CELF2: variants seen among roughly 807,000 people sequenced by gnomAD.
CELF2 encodes the protein CUG triplet repeat RNA-binding protein 2.
Under a neutral mutation model 62.6 loss-of-function variants are expected in CELF2, and 8 were observed. The ratio of observed to expected loss-of-function variants is 0.13; its 90% CI spans 0.07 to 0.23. CELF2 has a LOEUF of 0.23. Among genes scored for constraint, CELF2 ranks in the 10% least tolerant of loss-of-function variants. The probability of loss-of-function intolerance (pLI) is 1.00; values close to 1 mark genes in which losing one functional copy is unlikely to be tolerated. For synonymous variants in CELF2, 258 were observed against 250.0 expected (o/e 1.03, Z -0.30); for missense variants, 333 against 671.0 (o/e 0.50, Z 5.56).
chr10:11,197,012 G>GAA (rs747220391), intron 2 of CELF2, among the ~76,000 whole-genome samples: 5,687 of 19,456 alleles, frequency 0.29, 1,252 homozygotes, highest in Middle Eastern at 0.47. Flanking sequence ...GAGAAAGAAA[G>GAA]AAAGAAAGAA....
Position 11,165,354 on chromosome 10 carries a change from G to A in CELF2, c.75-132G>A. ...TTGTTTTAGTTCATCAAATTTCTAC[G>A]ACTCATTAGGCACTTTGCCACTGCT... On this transcript the variant is annotated intron_variant, in intron 1 of 12. Transcript: ENST00000633077. This position sits in a 1 kb window ranked among gnomAD's most constrained non-coding sequence, Gnocchi z 7.4. 1 of 1,481,294 alleles carries A rather than the reference G, an allele frequency of 6.8e-7. No homozygotes were observed. Among genetic ancestry groups the A allele is most frequent in the Non-Finnish European group, 8.9e-7 (1 of 1,120,438 alleles). The allele number at this position is 1,481,294 out of a possible 1,614,324, so 91.8% of individuals were successfully genotyped here. A position where few individuals can be genotyped will look rare whatever the true frequency, so the allele number is the denominator to read the frequency against.
intron 9 of CELF2, among the ~76,000 whole-genome samples, chr10:11,304,303 T>C (rs1027974419): frequency 4.6e-5 from 7 of 152,202 alleles, no homozygotes; most frequent in Non-Finnish European, 1.0e-4. Context: ...TTTTTCTCTT[T>C]TGATTCCTTC....
At chr10:11,131,331 C>T (rs1280423860) in intron 1 of CELF2, among the ~76,000 whole-genome samples, 1 of 152,196 alleles carries the variant, frequency 6.6e-6, no homozygotes, top group Non-Finnish European at 1.5e-5. Context: ...ACTGTGGACA[C>T]TGTGTACTCA....
intron 2 of CELF2, among the ~76,000 whole-genome samples, chr10:10,982,620 T>C (rs973613368): frequency 6.6e-6 from 1 of 152,192 alleles, no homozygotes; most frequent in African/African-American, 2.4e-5. Context: ...TTTTAAAGTA[T>C]GCTGAGTGCT....
intron 1 of CELF2, among the ~76,000 whole-genome samples, chr10:10,916,191 A>G (rs2064302917): frequency 6.6e-6 from 1 of 152,198 alleles, no homozygotes. Context: ...AACAGATAAA[A>G]ACAAACAAAT....
chr10:10,748,544 C>T, the CELF2 span, among the ~76,000 whole-genome samples: 13 of 151,720 alleles, frequency 8.6e-5, no homozygotes, highest in South Asian at 2.1e-4. Flanking sequence ...GTCAGGAGAT[C>T]GAGACCATCC....
chr10:10,508,423 G>A, the CELF2 span, among the ~76,000 whole-genome samples: 8 of 152,252 alleles, frequency 5.3e-5, no homozygotes, highest in East Asian at 1.5e-3. Context: ...GCTTCTATTT[G>A]CTTCCTCAAA....
At chr10:10,921,977 G>A (rs951907661) in intron 2 of CELF2, among the ~76,000 whole-genome samples, 1 of 152,210 alleles carries the variant, frequency 6.6e-6, no homozygotes, top group Non-Finnish European at 1.5e-5. Context: ...GAGAAGCAGA[G>A]TGAGCCCAAT....
At chr10:10,857,316 A>G (rs2059773973) in intron 1 of CELF2, among the ~76,000 whole-genome samples, 2 of 152,184 alleles carry the variant, frequency 1.3e-5, no homozygotes, top group Admixed American at 1.3e-4. Context: ...ATTTCCAACC[A>G]GATGCAGTGA....
Position 11,270,746 on chromosome 10 carries a change from T to C in CELF2, c.699T>C (p.Ala233=). The C allele has an allele frequency of 6.4e-7, 1 of 1,563,814 alleles. No homozygotes were observed. The highest frequency in any genetic ancestry group is 8.7e-7 in the Non-Finnish European group (1 of 1,151,270). ...AAAGGCGCCTCCAGCAGCAGCTCGC[T>C]CAGCAGATGCAGCAGCTCAACACTG... ...KEQRRLQQQL[A]QQMQQLNTAT... Residue 233 remains alanine (A), a synonymous_variant, in exon 7 of 13, where the codon GCT becomes GCC. Coordinates refer to ENST00000633077, the MANE Select transcript of CELF2 (RefSeq NM_001326342.2). This position sits in a 1 kb window ranked among gnomAD's most constrained non-coding sequence, Gnocchi z 5.8.
intron 1 of CELF2, among the ~76,000 whole-genome samples, chr10:10,855,389 G>A (rs1466278823): frequency 6.6e-6 from 1 of 152,170 alleles, no homozygotes; most frequent in Non-Finnish European, 1.5e-5. Flanking sequence ...CAACAGTGAG[G>A]CCCAGCCTGC....
intron 3 of CELF2, among the ~76,000 whole-genome samples, chr10:11,229,581 G>T (rs1019349684): frequency 6.6e-6 from 1 of 151,814 alleles, no homozygotes; most frequent in Non-Finnish European, 1.5e-5. Context: ...CACTTGGGAT[G>T]AGAGTCTGGC....
At position 11,098,205 on chromosome 10, in the gene CELF2, G is replaced by C. The variant is rs185413994; in HGVS notation, c.75-67281G>C. 2.0e-5 allele frequency: 3 copies of C among 152,508 alleles called. No homozygotes were observed. The East Asian group carries it at 5.8e-4, about 29-fold the overall frequency. 9.4% of individuals were successfully genotyped at this position (152,508 alleles called of 1,614,324 possible). ...GATTGGATGGACCAAGTGAAGGACA[G>C]TCTTAGGACGGGGACAAAGAGTCTG... On this transcript the variant is annotated intron_variant, in intron 1 of 12. Transcript: ENST00000633077. This position sits in a 1 kb window ranked among gnomAD's most constrained non-coding sequence, Gnocchi z 4.0.
intron 2 of CELF2, among the ~76,000 whole-genome samples, chr10:11,199,455 C>T (rs1199280029): frequency 2.0e-5 from 3 of 152,142 alleles, no homozygotes; most frequent in Non-Finnish European, 4.4e-5. Context: ...CACCTGCGAG[C>T]AGAGAAGGCC....
chr10:11,070,230 C>T (rs940549832), intron 1 of CELF2, among the ~76,000 whole-genome samples: 5 of 152,082 alleles, frequency 3.3e-5, no homozygotes, highest in Non-Finnish European at 5.9e-5. Flanking sequence ...GAGAGAACAA[C>T]ACATGCAAAG....
chr10:10,693,544 T>C, the CELF2 span, among the ~76,000 whole-genome samples: 1 of 151,370 alleles, frequency 6.6e-6, no homozygotes, highest in African/African-American at 2.4e-5. Flanking sequence ...TTAGGGAGGA[T>C]TCCCTCTTTT....
intron 1 of CELF2, among the ~76,000 whole-genome samples, chr10:10,888,893 T>A (rs7895452): frequency 0.55 from 84,239 of 152,028 alleles, 24,737 homozygotes; most frequent in East Asian, 0.76. Context: ...CCCCCAGTAG[T>A]TCATAGGCTT....
the CELF2 span, among the ~76,000 whole-genome samples, chr10:10,747,403 G>C: frequency 2.6e-5 from 4 of 152,156 alleles, no homozygotes; most frequent in African/African-American, 4.8e-5. Flanking sequence ...AGCCAGTAAA[G>C]AAACGCACTT....
At chr10:10,623,341 C>A in the CELF2 span, among the ~76,000 whole-genome samples, 3 of 152,092 alleles carry the variant, frequency 2.0e-5, no homozygotes, top group African/African-American at 7.2e-5. Context: ...AGTAAAAGGG[C>A]AGTTGGCAAG....
Sources: gnomAD v4.1 joint callset for allele counts (sites outside exome capture counted in the v4.1 genomes callset) on GRCh38, gnomAD v4.1.1 for gene constraint, Gnocchi (gnomAD v3.1) non-coding constraint, MANE v1.5 for transcripts, NCBI Gene and HGNC (gene_info 2026-07-23, HGNC 2026-07-21) for gene names.